The following BTF3L4 variants were observed in gnomAD, a reference collection of about 807,000 sequenced individuals.
BTF3L4 encodes the protein basic transcription factor 3 like 4, also known as transcription factor BTF3 homolog 4.
Under a neutral mutation model 16.8 loss-of-function variants are expected in BTF3L4, and 6 were observed. That is an observed-to-expected ratio of 0.36 (90% CI 0.20 to 0.71). The LOEUF (loss-of-function observed/expected upper bound fraction) is 0.71, where lower values mean the gene tolerates loss of function less well. Ranked by LOEUF, BTF3L4 falls within the 30% of genes least tolerant of loss-of-function variation. The pLI, the probability that BTF3L4 is intolerant of heterozygous loss-of-function variation, is 0.58. For missense variants in BTF3L4, 92 were observed against 186.9 expected (o/e 0.49, Z 2.96); for synonymous variants, 39 against 59.8 (o/e 0.65, Z 1.60).
chr1:52,070,816 A>C (rs1334292458), intron 3 of BTF3L4, among the ~76,000 whole-genome samples: 1 of 151,662 alleles, frequency 6.6e-6, no homozygotes, highest in Non-Finnish European at 1.5e-5. Flanking sequence ...TTATATTTTT[A>C]GTAGAGACGG....
At chr1:52,068,085 A>G (rs534096040) in intron 3 of BTF3L4, among the ~76,000 whole-genome samples, 5 of 152,302 alleles carry the variant, frequency 3.3e-5, no homozygotes, top group African/African-American at 1.2e-4. Flanking sequence ...TTTTGTTCAG[A>G]TTTGGAAGAC....
intron 3 of BTF3L4, among the ~76,000 whole-genome samples, chr1:52,073,803 G>C (rs557076278): frequency 6.6e-6 from 1 of 150,624 alleles, no homozygotes; most frequent in East Asian, 2.0e-4. Context: ...TTCAAGACCA[G>C]CTTGGCCGAG....
chr1:52,066,472 G>C (rs1245389902), intron 3 of BTF3L4, among the ~76,000 whole-genome samples: 4 of 151,360 alleles, frequency 2.6e-5, no homozygotes, highest in African/African-American at 9.7e-5. Flanking sequence ...AAAGTGCTGG[G>C]ATTACAGGCG....
At chr1:52,063,293 T>G (rs932559371) in intron 2 of BTF3L4, among the ~76,000 whole-genome samples, 1 of 152,192 alleles carries the variant, frequency 6.6e-6, no homozygotes, top group African/African-American at 2.4e-5. Flanking sequence ...TGATAAGCTT[T>G]AAGACATATT....
At chr1:52,063,990 A>G (rs901558989) in intron 2 of BTF3L4, among the ~76,000 whole-genome samples, 1 of 152,190 alleles carries the variant, frequency 6.6e-6, no homozygotes, top group Admixed American at 6.5e-5. Context: ...AAACCTTTCA[A>G]TGGCTTCCCA....
chr1:52,081,759 G>A (rs1156384320), intron 3 of BTF3L4, among the ~76,000 whole-genome samples: 5 of 152,168 alleles, frequency 3.3e-5, no homozygotes, highest in Admixed American at 3.3e-4. Context: ...AGAGGGAAGG[G>A]TATAGAATTT....
intron 3 of BTF3L4, among the ~76,000 whole-genome samples, chr1:52,065,747 G>T (rs1686630833): frequency 1.3e-5 from 2 of 152,100 alleles, no homozygotes; most frequent in South Asian, 4.1e-4. Flanking sequence ...TGTTTAAAAT[G>T]TATTAGTCAG....
At chr1:52,083,185 T>A (rs1464593535) in intron 3 of BTF3L4, among the ~76,000 whole-genome samples, 155 bp from the exon 4 acceptor site, 2 of 152,238 alleles carry the variant, frequency 1.3e-5, no homozygotes, top group Non-Finnish European at 2.9e-5. Flanking sequence ...ATTACTATGA[T>A]CTTTTTCCAC....
At chr1:52,077,503 A>G (rs933237575) in intron 3 of BTF3L4, among the ~76,000 whole-genome samples, 1 of 152,214 alleles carries the variant, frequency 6.6e-6, no homozygotes, top group Non-Finnish European at 1.5e-5. Context: ...GGTTGAAGTG[A>G]GCCGAGATTG....
chr1:52,076,832 G>A (rs770582297), intron 3 of BTF3L4, among the ~76,000 whole-genome samples: 7 of 152,062 alleles, frequency 4.6e-5, no homozygotes, highest in Non-Finnish European at 8.8e-5. Flanking sequence ...CACCCCAGAC[G>A]CTTATGTGCC....
Position 52,059,819 on chromosome 1 carries a change from A to G in BTF3L4, c.-13-16A>G, listed in dbSNP as rs905222831. The G allele has an allele frequency of 3.1e-6, 5 of 1,612,272 alleles. No homozygotes were observed. Among genetic ancestry groups the G allele is most frequent in the Middle Eastern group, 1.6e-4 (1 of 6,080 alleles). On this transcript the variant is annotated splice_polypyrimidine_tract_variant and intron_variant, in intron 1 of 5. Transcript: ENST00000313334. ...GCAAAAGAGTGACTTTAACAAATCT[A>G]TTTTTCCCCCCCTAGATTTACCAAC...
chr1:52,086,300 G>T, intron 5 of BTF3L4, 129 bp downstream of exon 5: 1 of 651,606 alleles, frequency 1.5e-6, no homozygotes, highest in African/African-American at 1.9e-5. Flanking sequence ...CAATAATGTG[G>T]ATAGGATCTA....
intron 3 of BTF3L4, chr1:52,071,275 T>C (rs539945115): frequency 6.6e-6 from 1 of 152,362 alleles, no homozygotes; most frequent in East Asian, 1.9e-4. Flanking sequence ...GGACAGCTTC[T>C]GTCTTAATCA....
intron 2 of BTF3L4, among the ~76,000 whole-genome samples, chr1:52,063,384 A>T (rs1686567417): frequency 6.6e-6 from 1 of 152,148 alleles, no homozygotes; most frequent in African/African-American, 2.4e-5. Flanking sequence ...ATGCTTCACA[A>T]ATGAGTGCCT....
At chr1:52,070,571 A>C (rs1572025164) in intron 3 of BTF3L4, among the ~76,000 whole-genome samples, 1 of 149,908 alleles carries the variant, frequency 6.7e-6, no homozygotes, top group Non-Finnish European at 1.5e-5. Context: ...AAAAAAAAAA[A>C]CAAAACTAAG....
At chr1:52,061,635 CTTTTTTTTTTTTT>C (rs67186641) in intron 2 of BTF3L4, among the ~76,000 whole-genome samples, 3 of 65,016 alleles carry the variant, frequency 4.6e-5, no homozygotes, top group Non-Finnish European at 8.8e-5. Flanking sequence ...TACAGCTATT[CTTTTTTTTTTTTT>C]TTTTTTTTTG....
chr1:52,061,883 C>A (rs1431083988), intron 2 of BTF3L4, among the ~76,000 whole-genome samples: 1 of 151,502 alleles, frequency 6.6e-6, no homozygotes, highest in Non-Finnish European at 1.5e-5. Flanking sequence ...CTCAGGTGAT[C>A]TGCCCATCTC....
Position 52,083,677 on chromosome 1 carries a change from C to T in BTF3L4, c.370+136C>T. On this transcript the variant is annotated intron_variant, in intron 4 of 5. Transcript: ENST00000313334. ...TTTCTATAAAGTTATTTCTATGCTT[C>T]ATAAAATTTTGAGTTTGTTTAATGA... 10 of 715,398 alleles carry T rather than the reference C, an allele frequency of 1.4e-5. No individual in the cohort carries two copies. The South Asian group carries it at 1.9e-4, about 14-fold the overall frequency. The allele number at this position is 715,398 out of a possible 1,614,324, so 44.3% of individuals were successfully genotyped here. A position where few individuals can be genotyped will look rare whatever the true frequency, so the allele number is the denominator to read the frequency against.
intron 3 of BTF3L4, among the ~76,000 whole-genome samples, chr1:52,067,473 A>C (rs1033704181): frequency 7.2e-5 from 11 of 152,152 alleles, no homozygotes; most frequent in Non-Finnish European, 8.8e-5. Context: ...TACAGATTAG[A>C]GCTTCATTTG....
Sources: gnomAD v4.1 joint callset for allele counts (sites outside exome capture counted in the v4.1 genomes callset) on GRCh38, gnomAD v4.1.1 for gene constraint, MANE v1.5 for transcripts, NCBI Gene and HGNC (gene_info 2026-07-23, HGNC 2026-07-21) for gene names.